The following ARHGAP29 variants were observed in gnomAD, a reference collection of about 807,000 sequenced individuals.
ARHGAP29 encodes the protein rho GTPase-activating protein 29.
ARHGAP29 carries 43 observed loss-of-function variants against 122.6 expected under a neutral mutation model. The observed-to-expected ratio is 0.35, with a 90% CI of 0.27 to 0.45. ARHGAP29 has a LOEUF of 0.45. Among genes scored for constraint, ARHGAP29 ranks in the 20% least tolerant of loss-of-function variants. The probability of loss-of-function intolerance (pLI) is 1.00; values close to 1 mark genes in which losing one functional copy is unlikely to be tolerated. For missense variants in ARHGAP29, 1,303 were observed against 1,477.2 expected (o/e 0.88, Z 1.93); for synonymous variants, 506 against 497.1 (o/e 1.02, Z -0.24).
At chr1:94,293,913 T>C in the ARHGAP29 span, among the ~76,000 whole-genome samples, 2 of 152,148 alleles carry the variant, frequency 1.3e-5, no homozygotes, top group Non-Finnish European at 2.9e-5. Flanking sequence ...CCCTCTCCCC[T>C]CTCCCAGTTA....
chr1:94,272,398 G>C (rs1303725506), intron 1 of ARHGAP29, among the ~76,000 whole-genome samples: 3 of 152,186 alleles, frequency 2.0e-5, no homozygotes, highest in African/African-American at 7.2e-5. Context: ...TCTGTGAGGT[G>C]AAGGCTAGAC....
chr1:94,206,899 A>AAT (rs1553207514), intron 5 of ARHGAP29, among the ~76,000 whole-genome samples: 13 of 150,114 alleles, frequency 8.7e-5, no homozygotes, highest in African/African-American at 3.2e-4. Context: ...TGTCTCAAAA[A>AAT]ATATATATAT....
chr1:94,219,104 G>A (rs370564513), intron 3 of ARHGAP29, among the ~76,000 whole-genome samples: 4 of 152,062 alleles, frequency 2.6e-5, no homozygotes, highest in South Asian at 2.1e-4. Context: ...GTGCCTAGGC[G>A]TACTTCTATC....
At chr1:94,190,208 ACT>A (rs1650054362) in intron 12 of ARHGAP29, 125 bp from the exon 13 acceptor site, 1 of 948,314 alleles carries the variant, frequency 1.1e-6, no homozygotes, top group African/African-American at 1.7e-5. Flanking sequence ...ACTGAATATC[ACT>A]CTGAACATAC....
At chr1:94,283,902 G>A in the ARHGAP29 span, among the ~76,000 whole-genome samples, 1 of 152,106 alleles carries the variant, frequency 6.6e-6, no homozygotes, top group South Asian at 2.1e-4. Context: ...TTCTGGATGG[G>A]GAATAGAGCT....
chr1:94,174,426 G>C lies in ARHGAP29; in HGVS notation c.3229C>G (p.Leu1077Val), dbSNP rs1648956491. The C allele has an allele frequency of 6.2e-7, 1 of 1,614,154 alleles. No homozygotes were observed. Among genetic ancestry groups the C allele is most frequent in the Non-Finnish European group, 8.5e-7 (1 of 1,180,014 alleles). Residue 1077 changes from leucine to valine, a missense_variant, in exon 23 of 23, where the codon CTA (leucine) becomes GTA (valine). Physicochemically the swap from Leu to Val is conservative, Grantham distance 32. This residue lies in a region of ARHGAP29 where 620 missense variants were observed against 651.2 expected (regional missense o/e 0.95). Transcript: ENST00000260526. ...TACTGTTTGTCCTGAATTTTCTGTA[G>C]AGTTTGCTGGTCAAAGCCATTAAAT... ...SKFNGFDQQTLQKIQDKQYEQ... is the reference protein window; with the variant it reads ...SKFNGFDQQTVQKIQDKQYEQ...
At chr1:94,301,485 A>C in the ARHGAP29 span, among the ~76,000 whole-genome samples, 1 of 152,158 alleles carries the variant, frequency 6.6e-6, no homozygotes, top group Non-Finnish European at 1.5e-5. Flanking sequence ...TCATAGCACC[A>C]GGAAGGACTC....
In ARHGAP29 at chr1:94,174,669, A is replaced by T. The variant is rs1648977636; in HGVS notation, c.2986T>A (p.Ser996Thr). ...TTTGTTGACCTATCAGATTTCAGAG[A>T]AAGTGGCTTAGGGGTTTTACCATCT... ...IEDGKTPKPL[S>T]LKSDRSTNNV... Residue 996 changes from serine (S) to threonine (T), a missense_variant, in exon 23 of 23, where the codon TCT becomes ACT. Transcript: ENST00000260526. The T allele has an allele frequency of 1.2e-6, 2 of 1,613,942 alleles. No homozygotes were observed. The highest frequency in any genetic ancestry group is 1.7e-6 in the Non-Finnish European group (2 of 1,180,026).
rs1648625972 is a variant in ARHGAP29 at position 94,170,022 on chromosome 1, C to T, written c.*3847G>A. Among the ~76,000 whole-genome samples the T allele has an allele frequency of 2.0e-5, 3 of 152,134 alleles. No individual in the cohort carries two copies. The highest frequency in any genetic ancestry group is 2.0e-4 in the Admixed American group (3 of 15,280). Reference sequence around the variant, plus strand: ...TACAGTAGTAGGATGCCAACCAAGGCAGAAGCCACGGACTCACCATTTGAC... The same window carrying T: ...TACAGTAGTAGGATGCCAACCAAGGTAGAAGCCACGGACTCACCATTTGAC... On this transcript the variant is annotated 3_prime_UTR_variant, in exon 23 of 23. Coordinates refer to ENST00000260526, the MANE Select transcript of ARHGAP29 (RefSeq NM_004815.4).
upstream of ARHGAP29, among the ~76,000 whole-genome samples, chr1:94,241,530 T>C (rs1653571541): frequency 6.6e-6 from 1 of 151,228 alleles, no homozygotes; most frequent in Non-Finnish European, 1.5e-5. Context: ...GGCAGTAGAA[T>C]CGCTTGAACC....
At chr1:94,226,005 GCATTAA>G (rs1336310099) in intron 2 of ARHGAP29, among the ~76,000 whole-genome samples, 1 of 151,632 alleles carries the variant, frequency 6.6e-6, no homozygotes, top group Non-Finnish European at 1.5e-5. Context: ...TTGTTCTCAT[GCATTAA>G]CAAAATACCA....
chr1:94,201,415 C>G (rs867090062), intron 12 of ARHGAP29, among the ~76,000 whole-genome samples: 1 of 152,168 alleles, frequency 6.6e-6, no homozygotes, highest in African/African-American at 2.4e-5. Context: ...GCATACCTTC[C>G]CCTTCTGCAG....
Position 94,202,945 on chromosome 1 carries a change from C to T in ARHGAP29, c.927G>A (p.Glu309=), listed in dbSNP as rs752909430. 5.0e-6 allele frequency: 8 copies of T among 1,608,840 alleles called. No individual in the cohort carries two copies. The Admixed American group carries it at 8.5e-5, about 17-fold the overall frequency. The stretch of plus-strand genomic sequence containing the variant: ...TTTTATTTTGCTCCTGTTTCCAAAG[C>T]TCTTTTATTTCTTTCCTTTGTTTTT... The part of the protein sequence containing the change: ...EMEKQRKEIK[E]LWKQEQNKML... Residue 309 remains glutamate (E), a synonymous_variant, in exon 10 of 23, where the codon GAG becomes GAA. Transcript: ENST00000260526.
In ARHGAP29 at chr1:94,171,557, AT is replaced by A. The variant is rs1648739529; in HGVS notation, c.*2311del. On this transcript the variant is annotated 3_prime_UTR_variant, in exon 23 of 23. Coordinates refer to ENST00000260526, the MANE Select transcript of ARHGAP29 (RefSeq NM_004815.4). The stretch of plus-strand genomic sequence containing the variant: ...GTTGCAAAAAACAACTTCTGGATAA[AT>A]GATTTCCACCACACTATTAGATAGC... 6.6e-6 allele frequency among the ~76,000 whole-genome samples: 1 copy of A among 152,184 alleles called. No homozygotes were observed. The highest frequency in any genetic ancestry group is 1.5e-5 in the Non-Finnish European group (1 of 68,034).
chr1:94,274,198 G>C (rs577887312), intron 1 of ARHGAP29, among the ~76,000 whole-genome samples: 1 of 152,140 alleles, frequency 6.6e-6, no homozygotes, highest in African/African-American at 2.4e-5. Context: ...AGCTGTGCAG[G>C]CCTTACAGTC....
chr1:94,275,173 C>G (rs1372580968), upstream of ARHGAP29: 1 of 152,194 alleles, frequency 6.6e-6, no homozygotes, highest in Non-Finnish European at 1.5e-5. Flanking sequence ...AACTTTAAAA[C>G]AAGCTCCACA....
chr1:94,196,550 C>T (rs1433942899), intron 12 of ARHGAP29, among the ~76,000 whole-genome samples: 4 of 151,952 alleles, frequency 2.6e-5, no homozygotes, highest in East Asian at 1.9e-4. Context: ...CGTGAGCCAC[C>T]GCGCCCGGCC....
At chr1:94,230,113 A>G (rs1652836149) in intron 2 of ARHGAP29, among the ~76,000 whole-genome samples, 1 of 151,772 alleles carries the variant, frequency 6.6e-6, no homozygotes, top group Non-Finnish European at 1.5e-5. Flanking sequence ...AATGAACTGC[A>G]TATCAAGAAG....
Position 94,189,361 on chromosome 1 carries a change from A to C in ARHGAP29, c.1440-9T>G, listed in dbSNP as rs961877708. On this transcript the variant is annotated splice_polypyrimidine_tract_variant and intron_variant, in intron 13 of 22. Coordinates refer to ENST00000260526, the MANE Select transcript of ARHGAP29 (RefSeq NM_004815.4). ...AATGTTTATTTACATTTCTGAAACA[A>C]CAACAATGACAAAAAACAAAACTCA... 10 of 1,599,874 alleles carry C rather than the reference A, an allele frequency of 6.3e-6. No individual in the cohort carries two copies. The highest frequency in any genetic ancestry group is 7.7e-6 in the Non-Finnish European group (9 of 1,174,864).
Sources: gnomAD v4.1 joint callset for allele counts (sites outside exome capture counted in the v4.1 genomes callset) on GRCh38, gnomAD v4.1.1 for gene constraint, gnomAD v4.1.1 regional missense constraint, MANE v1.5 for transcripts, NCBI Gene and HGNC (gene_info 2026-07-23, HGNC 2026-07-21) for gene names.